MYT1: variants seen among roughly 807,000 people sequenced by gnomAD.
The protein encoded by MYT1 is myelin transcription factor I.
A neutral mutation model predicts 123.0 loss-of-function variants in MYT1; 23 were observed. The observed-to-expected ratio is 0.19, with a 90% CI of 0.13 to 0.26. MYT1 has a LOEUF of 0.26. Among genes scored for constraint, MYT1 ranks in the 10% least tolerant of loss-of-function variants. The probability of loss-of-function intolerance (pLI) is 1.00; values close to 1 mark genes in which losing one functional copy is unlikely to be tolerated. For missense variants in MYT1, 1,125 were observed against 1,472.5 expected (o/e 0.76, Z 3.86); for synonymous variants, 518 against 575.3 (o/e 0.90, Z 1.43).
chr20:64,208,435 A>G lies in MYT1; in HGVS notation c.1239A>G (p.Pro413=). 2 of 1,612,970 alleles carry G rather than the reference A, an allele frequency of 1.2e-6. No individual in the cohort carries two copies. The highest frequency in any genetic ancestry group is 1.7e-6 in the Non-Finnish European group (2 of 1,179,868). The change falls in exon 7 of 23, where the codon CCA becomes CCG. Residue 413 remains proline, a synonymous_variant. Coordinates refer to ENST00000328439, the MANE Select transcript of MYT1 (RefSeq NM_004535.3). This position sits in a 1 kb window ranked among gnomAD's most constrained non-coding sequence, Gnocchi z 5.4. ...AEQSQLGLGE[P]GKAAKPLDTV... is the part of the protein sequence containing the mutation. Reference sequence around the variant, plus strand: ...AGAGCCAGCTGGGCCTGGGAGAGCCAGGGAAGGCAGCAAAGCCCCTGGACA... The same window carrying G: ...AGAGCCAGCTGGGCCTGGGAGAGCCGGGGAAGGCAGCAAAGCCCCTGGACA...
In MYT1 at chr20:64,231,538, C is replaced by A. The variant is rs1263143483; in HGVS notation, c.2676-626C>A. ...CTCAGGCACGAGTGATTATGGGTAG[C>A]GAGTCTCCCCCACATGAGGTCTGCG... On this transcript the variant is annotated intron_variant, in intron 18 of 22. Coordinates refer to ENST00000328439, the MANE Select transcript of MYT1 (RefSeq NM_004535.3). This position sits in a 1 kb window ranked among gnomAD's most constrained non-coding sequence, Gnocchi z 6.4. 6.6e-6 allele frequency among the ~76,000 whole-genome samples: 1 copy of A among 152,232 alleles called. No individual in the cohort carries two copies. The highest frequency in any genetic ancestry group is 1.5e-5 in the Non-Finnish European group (1 of 68,042).
chr20:64,235,099 C>T (rs148313708), intron 19 of MYT1, among the ~76,000 whole-genome samples: 5,832 of 128,868 alleles, frequency 0.045, 156 homozygotes, highest in Middle Eastern at 0.11. Context: ...CTGGGATGGC[C>T]GTGGTGGGTG....
In MYT1 at chr20:64,196,213, G is replaced by A. The variant is rs1983114696; in HGVS notation, c.1-2649G>A. On this transcript the variant is annotated intron_variant, in intron 2 of 22. Coordinates refer to ENST00000328439, the MANE Select transcript of MYT1 (RefSeq NM_004535.3). The surrounding 1 kb of genome is among the most constrained non-coding windows in gnomAD (Gnocchi z 4.3). ...AATTGAGAAGTGTTTAATTTTCTTT[G>A]CATCATTGAGCTGCCCTTTAGGGCC... Among the ~76,000 whole-genome samples, 1 of 152,136 alleles carries A rather than the reference G, an allele frequency of 6.6e-6. No individual in the cohort carries two copies. Among genetic ancestry groups the A allele is most frequent in the South Asian group, 2.1e-4 (1 of 4,826 alleles).
At position 64,240,555 on chromosome 20, in the gene MYT1, C is replaced by T. The variant is rs113477464; in HGVS notation, c.*107C>T. On this transcript the variant is annotated 3_prime_UTR_variant, in exon 23 of 23. Coordinates refer to ENST00000328439, the MANE Select transcript of MYT1 (RefSeq NM_004535.3). ...TCACAGTGACTTCCCGTTTGGGGCC[C>T]GGTGTGGCCGCGGGCGGGTTTATCC... 3,819 of 1,427,544 alleles carry T rather than the reference C, an allele frequency of 2.7e-3. 62 individuals are homozygous for T. The African/African-American group carries it at 0.035, about 13-fold the overall frequency. The allele number at this position is 1,427,544 out of a possible 1,614,324, so 88.4% of individuals were successfully genotyped here. A position where few individuals can be genotyped will look rare whatever the true frequency, so the allele number is the denominator to read the frequency against.
chr20:64,187,067 T>A (rs1982828638), intron 1 of MYT1, among the ~76,000 whole-genome samples: 1 of 142,100 alleles, frequency 7.0e-6, no homozygotes, highest in South Asian at 2.3e-4. Flanking sequence ...CCGTGGAGAC[T>A]TTTCCTGTAG....
rs1983915589 is a variant in MYT1 at position 64,218,907 on chromosome 20, G to A, written c.1847-4G>A. ...TGTGAGGAGCACTTCATCCTCTTCT[G>A]CAGGCTTTGACTACTCGCAGGACGC... is the stretch of plus-strand genomic sequence containing the variant. On this transcript the variant is annotated splice_region_variant and splice_polypyrimidine_tract_variant and intron_variant, in intron 11 of 22. Coordinates refer to ENST00000328439, the MANE Select transcript of MYT1 (RefSeq NM_004535.3). The surrounding 1 kb of genome is among the most constrained non-coding windows in gnomAD (Gnocchi z 4.0). The A allele has an allele frequency of 6.2e-7, 1 of 1,613,358 alleles. No homozygotes were observed. The highest frequency in any genetic ancestry group is 1.3e-5 in the African/African-American group (1 of 75,024).
rs138714045 is a variant in MYT1, at chr20:64,167,430, C to G, written c.-99+2691C>G. 0.011 allele frequency among the ~76,000 whole-genome samples: 1,746 copies of G among 152,216 alleles called. 19 individuals carry two copies. Among genetic ancestry groups the G allele is most frequent in the Non-Finnish European group, 0.017 (1,183 of 68,014 alleles). On this transcript the variant is annotated intron_variant, in intron 1 of 22. Transcript: ENST00000328439. The surrounding 1 kb of genome is among the most constrained non-coding windows in gnomAD (Gnocchi z 6.3). ...ACAACCAGAACACTTTGGTCAGCAC[C>G]GGGCCTGGAGTAGATGAGGAGGTAG...
rs542800673 is a variant in MYT1, at chr20:64,232,675, C to T, written c.2897+290C>T. On this transcript the variant is annotated intron_variant, in intron 19 of 22. Coordinates refer to ENST00000328439, the MANE Select transcript of MYT1 (RefSeq NM_004535.3). This position sits in a 1 kb window ranked among gnomAD's most constrained non-coding sequence, Gnocchi z 6.9. ...TGTTATGCTGGACACAGAGGCCACA[C>T]ATGAGCAGAGCCCTGGGTCTGACAC... 7.2e-5 allele frequency among the ~76,000 whole-genome samples: 11 copies of T among 152,226 alleles called. No individual in the cohort carries two copies. Among genetic ancestry groups the T allele is most frequent in the African/African-American group, 2.7e-4 (11 of 41,498 alleles).
At chr20:64,224,437 G>A (rs1984107118) in intron 16 of MYT1, among the ~76,000 whole-genome samples, 1 of 152,202 alleles carries the variant, frequency 6.6e-6, no homozygotes. Context: ...CAGCAGCCTT[G>A]TCTCTGTTCC....
intron 21 of MYT1, among the ~76,000 whole-genome samples, 182 bp downstream of exon 21, chr20:64,237,572 C>T (rs535281472): frequency 9.9e-5 from 15 of 152,238 alleles, no homozygotes; most frequent in Non-Finnish European, 1.9e-4. Flanking sequence ...ATGCGGAGTC[C>T]GTGAAGTCAC....
At chr20:64,223,026 C>A in intron 14 of MYT1, 85 bp from the exon 15 acceptor site, 1 of 1,500,366 alleles carries the variant, frequency 6.7e-7, no homozygotes, top group Non-Finnish European at 9.3e-7. Flanking sequence ...CAGGAGTGGG[C>A]ACCAGTCTCC....
rs1046407671 is a variant in MYT1 at position 64,186,652 on chromosome 20, G to T, written c.-98-3411G>T. Among the ~76,000 whole-genome samples, 2 of 152,276 alleles carry T rather than the reference G, an allele frequency of 1.3e-5. No homozygotes were observed. The highest frequency in any genetic ancestry group is 3.8e-4 in the East Asian group (2 of 5,202). On this transcript the variant is annotated intron_variant, in intron 1 of 22. Coordinates refer to ENST00000328439, the MANE Select transcript of MYT1 (RefSeq NM_004535.3). The surrounding 1 kb of genome is among the most constrained non-coding windows in gnomAD (Gnocchi z 4.3). ...GTCTGAGTTGGTGGCAGTGCCCTGT[G>T]TGAGCTTTGGGGACCCTTGTTCCCA... is the stretch of plus-strand genomic sequence containing the variant.
chr20:64,164,535 T>G lies in MYT1; in HGVS notation c.-303T>G, dbSNP rs1426926182. The G allele has an allele frequency of 6.6e-6, 1 of 152,196 alleles. No homozygotes were observed. Among genetic ancestry groups the G allele is most frequent in the South Asian group, 2.1e-4 (1 of 4,826 alleles). 9.4% of individuals were successfully genotyped at this position (152,196 alleles called of 1,614,324 possible). On this transcript the variant is annotated 5_prime_UTR_variant, in exon 1 of 23. Transcript: ENST00000328439. ...GTCATTAAGTAAATGAGACGTCGCC[T>G]TTAGCTGGCTTAGGAGTTCGCACAC...
chr20:64,192,217 A>G lies in MYT1; in HGVS notation c.-1+2057A>G, dbSNP rs991130144. On this transcript the variant is annotated intron_variant, in intron 2 of 22. Transcript: ENST00000328439. This position sits in a 1 kb window ranked among gnomAD's most constrained non-coding sequence, Gnocchi z 5.3. ...AGCTCTTTCATCACTGCTCTGTTTG[A>G]GGGTCATTTCCCTTCTTTTCTTGCA... Among the ~76,000 whole-genome samples, 1 of 152,158 alleles carries G rather than the reference A, an allele frequency of 6.6e-6. No individual in the cohort carries two copies. The highest frequency in any genetic ancestry group is 1.5e-5 in the Non-Finnish European group (1 of 68,026).
intron 16 of MYT1, among the ~76,000 whole-genome samples, chr20:64,225,201 C>T (rs949680203): frequency 2.0e-5 from 3 of 152,200 alleles, no homozygotes; most frequent in Admixed American, 6.5e-5. Context: ...CCCCCCGCCA[C>T]GTGTCCTGGT....
chr20:64,205,407 G>A lies in MYT1; in HGVS notation c.150-146G>A, dbSNP rs1043903171. On this transcript the variant is annotated intron_variant, in intron 5 of 22. Transcript: ENST00000328439. ...ATCTGACCCCCTAGTGCTGCACTTT[G>A]CTTTTTTTGTCCGGGTTCCCTGCAA... 1.8e-5 allele frequency: 23 copies of A among 1,258,194 alleles called. No homozygotes were observed. In the African/African-American group the frequency reaches 3.3e-4, roughly 18 times the overall value. 77.9% of individuals were successfully genotyped at this position (1,258,194 alleles called of 1,614,324 possible). A position where few individuals can be genotyped will look rare whatever the true frequency, so the allele number is the denominator to read the frequency against.
At position 64,213,321 on chromosome 20, in the gene MYT1, A is replaced by G. The variant is rs1026028503; in HGVS notation, c.1518-213A>G. On this transcript the variant is annotated intron_variant, in intron 9 of 22. Transcript: ENST00000328439. The surrounding 1 kb of genome is among the most constrained non-coding windows in gnomAD (Gnocchi z 5.6). The stretch of plus-strand genomic sequence containing the variant: ...GTTCCAAAACAGAAACTGACTGGGC[A>G]GCTTGTACTGTGAGGGCTCAAGAAC... 2.6e-5 allele frequency among the ~76,000 whole-genome samples: 4 copies of G among 152,168 alleles called. No individual in the cohort carries two copies. Among genetic ancestry groups the G allele is most frequent in the African/African-American group, 9.7e-5 (4 of 41,430 alleles).
chr20:64,200,455 C>T (rs1983262483), intron 4 of MYT1, among the ~76,000 whole-genome samples: 1 of 152,196 alleles, frequency 6.6e-6, no homozygotes, highest in African/African-American at 2.4e-5. Flanking sequence ...TCTTACTGTT[C>T]AGCATACAAT....
Position 64,185,708 on chromosome 20 carries a change from C to T in MYT1, c.-98-4355C>T, listed in dbSNP as rs547875813. ...TACCGAGCCAGCATGAAAACAGCCACGGTCGCCCGCAGGGGGTCCCCCATG... is the reference window on the plus strand; with the variant it reads ...TACCGAGCCAGCATGAAAACAGCCATGGTCGCCCGCAGGGGGTCCCCCATG... On this transcript the variant is annotated intron_variant, in intron 1 of 22. Coordinates refer to ENST00000328439, the MANE Select transcript of MYT1 (RefSeq NM_004535.3). The surrounding 1 kb of genome is among the most constrained non-coding windows in gnomAD (Gnocchi z 4.5). Among the ~76,000 whole-genome samples, 6 of 152,334 alleles carry T rather than the reference C, an allele frequency of 3.9e-5. No homozygotes were observed. The South Asian group carries it at 1.2e-3, about 32-fold the overall frequency.
Sources: allele counts gnomAD v4.1 joint callset (sites outside exome capture counted in the v4.1 genomes callset), GRCh38; gene constraint gnomAD v4.1.1; non-coding constraint Gnocchi (gnomAD v3.1); transcripts MANE v1.5; gene names NCBI Gene and HGNC (gene_info 2026-07-23, HGNC 2026-07-21).